STX18: variants seen among roughly 807,000 people sequenced by gnomAD.
STX18 encodes the protein syntaxin 18, also known as syntaxin-18.
STX18 carries 40 observed loss-of-function variants against 50.1 expected under a neutral mutation model. The observed-to-expected ratio is 0.80, with a 90% CI of 0.62 to 1.04. STX18 has a LOEUF of 1.04. STX18 is among the 50% of genes least tolerant of loss of function. STX18 has a pLI of 0.00. For missense variants in STX18, 410 were observed against 415.8 expected, an observed-to-expected ratio of 0.99 and a Z score of 0.12; for synonymous variants, 158 against 151.8, an observed-to-expected ratio of 1.04 and a Z score of -0.30.
chr4:4,439,455 CAT>C (rs1018382511), intron 5 of STX18, among the ~76,000 whole-genome samples: 8 of 131,004 alleles, frequency 6.1e-5, no homozygotes, highest in East Asian at 4.5e-4. Flanking sequence ...CCCCCACACA[CAT>C]ATATCTACAT....
intron 1 of STX18, among the ~76,000 whole-genome samples, chr4:4,474,076 T>C (rs1175343452): frequency 6.6e-6 from 1 of 152,124 alleles, no homozygotes; most frequent in African/African-American, 2.4e-5. Flanking sequence ...GGTTCTCCCT[T>C]TCCCTGGAAC....
intron 1 of STX18, among the ~76,000 whole-genome samples, chr4:4,534,749 A>G (rs762464695): frequency 6.6e-6 from 1 of 152,262 alleles, no homozygotes; most frequent in South Asian, 2.1e-4. Flanking sequence ...CTTTTTCTCT[A>G]AAGGGTCATA....
chr4:4,447,501 G>A (rs1348051793), intron 5 of STX18, among the ~76,000 whole-genome samples: 1 of 149,304 alleles, frequency 6.7e-6, no homozygotes, highest in Admixed American at 6.8e-5. Context: ...TGAGGCAGGA[G>A]AATGGCGTGA....
intron 1 of STX18, among the ~76,000 whole-genome samples, chr4:4,500,806 T>C (rs533695043): frequency 2.0e-4 from 30 of 152,228 alleles, no homozygotes; most frequent in Middle Eastern, 3.4e-3. Flanking sequence ...GAGGCCAAGG[T>C]GGGTGGATCA....
intron 8 of STX18, 109 bp from the exon 9 acceptor site, chr4:4,423,696 A>AGAG (rs1553823274): frequency 1.0e-6 from 1 of 956,332 alleles, no homozygotes; most frequent in Non-Finnish European, 1.5e-6. Flanking sequence ...TGGGAGAGAC[A>AGAG]GGGGGCACAC....
intron 1 of STX18, chr4:4,507,623 C>A (rs1729779458): frequency 1.3e-6 from 1 of 768,210 alleles, no homozygotes; most frequent in South Asian, 1.4e-5. Flanking sequence ...AAATTGTGGG[C>A]AAGAGAATTC....
chr4:4,507,888 A>G, intron 1 of STX18: 1 of 547,916 alleles, frequency 1.8e-6, no homozygotes, highest in Non-Finnish European at 3.2e-6. Flanking sequence ...CTAGTCCCTT[A>G]TGTTCTAGCC....
chr4:4,520,649 C>T (rs1730465586), intron 1 of STX18, among the ~76,000 whole-genome samples: 1 of 152,118 alleles, frequency 6.6e-6, no homozygotes, highest in African/African-American at 2.4e-5. Flanking sequence ...GACAGTCTAG[C>T]TGGCCTTTGT....
At chr4:4,537,961 T>C (rs1206207394) in intron 1 of STX18, among the ~76,000 whole-genome samples, 2 of 152,172 alleles carry the variant, frequency 1.3e-5, no homozygotes, top group African/African-American at 4.8e-5. Context: ...AGAGCAGCAT[T>C]AAACCAGGTC....
At chr4:4,501,818 T>G (rs946355587) in intron 1 of STX18, among the ~76,000 whole-genome samples, 2 of 152,222 alleles carry the variant, frequency 1.3e-5, no homozygotes, top group African/African-American at 4.8e-5. Flanking sequence ...TTTAAATACA[T>G]AACCCAGTTT....
intron 1 of STX18, among the ~76,000 whole-genome samples, chr4:4,507,939 G>C (rs558701490): frequency 2.0e-5 from 3 of 151,908 alleles, no homozygotes; most frequent in Non-Finnish European, 4.4e-5. Flanking sequence ...GCTTACCACT[G>C]ATCGGTCACC....
intron 6 of STX18, 52 bp from the exon 7 acceptor site, chr4:4,434,910 G>T: frequency 1.5e-6 from 2 of 1,318,718 alleles, no homozygotes; most frequent in Non-Finnish European, 2.1e-6. Flanking sequence ...TTTAGAATAG[G>T]CTGGCTTAGG....
chr4:4,488,616 G>A (rs1308003323), intron 1 of STX18, among the ~76,000 whole-genome samples: 2 of 152,148 alleles, frequency 1.3e-5, no homozygotes, highest in Admixed American at 6.5e-5. Flanking sequence ...TCAGTGAGCA[G>A]TACAGTACAT....
intron 5 of STX18, among the ~76,000 whole-genome samples, chr4:4,456,760 G>A (rs1360044619): frequency 2.0e-5 from 3 of 152,212 alleles, no homozygotes; most frequent in Admixed American, 1.3e-4. Context: ...CACTTTCAGG[G>A]ACGACAAGAA....
chr4:4,534,545 T>C (rs1731246482), intron 1 of STX18, among the ~76,000 whole-genome samples: 1 of 152,228 alleles, frequency 6.6e-6, no homozygotes, highest in Non-Finnish European at 1.5e-5. Context: ...GCTCCTCAGT[T>C]TCACCTGAAT....
intron 5 of STX18, among the ~76,000 whole-genome samples, chr4:4,445,078 A>C (rs1178089844): frequency 6.6e-6 from 1 of 152,220 alleles, no homozygotes; most frequent in African/African-American, 2.4e-5. Flanking sequence ...CACATATGGT[A>C]TGATTATGTA....
intron 1 of STX18, among the ~76,000 whole-genome samples, chr4:4,510,469 TC>T (rs1178876152): frequency 6.6e-6 from 1 of 151,814 alleles, no homozygotes; most frequent in African/African-American, 2.4e-5. Flanking sequence ...CATCAAGAAA[TC>T]CATGACATGC....
At chr4:4,523,426 A>G (rs759037235) in intron 1 of STX18, among the ~76,000 whole-genome samples, 11 of 152,184 alleles carry the variant, frequency 7.2e-5, no homozygotes, top group African/African-American at 9.6e-5. Context: ...CCTGGCTTAG[A>G]AATCTTTCCT....
chr4:4,478,537 T>C (rs1728307587), intron 1 of STX18: 1 of 152,168 alleles, frequency 6.6e-6, no homozygotes, highest in African/African-American at 2.4e-5. Flanking sequence ...TAGCTTAGAA[T>C]AGGGTAGAGG....
Sources: gnomAD v4.1 joint callset for allele counts (sites outside exome capture counted in the v4.1 genomes callset) on GRCh38, gnomAD v4.1.1 for gene constraint, MANE v1.5 for transcripts, NCBI Gene and HGNC (gene_info 2026-07-23, HGNC 2026-07-21) for gene names.